The following ZBTB43 variants were observed in gnomAD, a reference collection of about 807,000 sequenced individuals.
The protein encoded by ZBTB43 is zinc finger and BTB domain containing 43, also known as zinc finger and BTB domain-containing protein 43.
A neutral mutation model predicts 31.1 loss-of-function variants in ZBTB43; 6 were observed. The ratio of observed to expected loss-of-function variants is 0.19; its 90% CI spans 0.11 to 0.38. The LOEUF (loss-of-function observed/expected upper bound fraction) is 0.38. Ranked by LOEUF, ZBTB43 falls within the 10% of genes least tolerant of loss-of-function variation. The probability of loss-of-function intolerance (pLI) is 1.00; values close to 1 mark genes in which losing one functional copy is unlikely to be tolerated. For synonymous variants in ZBTB43, 212 were observed against 221.7 expected (o/e 0.96, Z 0.39); for missense variants, 379 against 602.1 (o/e 0.63, Z 3.88).
At chr9:126,812,131 C>G (rs2032264954) in intron 2 of ZBTB43, among the ~76,000 whole-genome samples, 1 of 152,120 alleles carries the variant, frequency 6.6e-6, no homozygotes, top group Admixed American at 6.6e-5. Flanking sequence ...ATGGATTTGT[C>G]TATTCTGGAC....
intron 2 of ZBTB43, among the ~76,000 whole-genome samples, chr9:126,825,259 T>A (rs1171485335): frequency 2.0e-5 from 3 of 152,150 alleles, no homozygotes; most frequent in Admixed American, 2.0e-4. Flanking sequence ...TTCATTCTTC[T>A]TTCTTTCTGC....
Position 126,835,227 on chromosome 9 carries a change from A to T in ZBTB43, c.*1314A>T, listed in dbSNP as rs981801585. On this transcript the variant is annotated 3_prime_UTR_variant, in exon 3 of 3. Transcript: ENST00000373464. Reference sequence around the variant, plus strand: ...CAAAGCTACGCCGACCAGAAAAAAAAAATTAAAAAAACAAACAAGAAAAGC... The same window carrying T: ...CAAAGCTACGCCGACCAGAAAAAAATAATTAAAAAAACAAACAAGAAAAGC... The T allele has an allele frequency of 5.4e-5, 9 of 167,062 alleles. 1 individual carries two copies. The highest frequency in any genetic ancestry group is 7.3e-5 in the Non-Finnish European group (5 of 68,112). 10.3% of individuals were successfully genotyped at this position (167,062 alleles called of 1,614,324 possible).
intron 2 of ZBTB43, among the ~76,000 whole-genome samples, chr9:126,809,670 A>G (rs1257251141): frequency 6.6e-6 from 1 of 152,234 alleles, no homozygotes; most frequent in African/African-American, 2.4e-5. Flanking sequence ...CTTGAAGGTC[A>G]TCTAGTTCAG....
chr9:126,831,192 C>T (rs1056914615), intron 2 of ZBTB43, among the ~76,000 whole-genome samples: 3 of 152,164 alleles, frequency 2.0e-5, no homozygotes, highest in Non-Finnish European at 4.4e-5. Flanking sequence ...CCTGACTGTA[C>T]TCTAGTCTAA....
At chr9:126,825,158 C>G (rs1166640416) in intron 2 of ZBTB43, among the ~76,000 whole-genome samples, 3 of 152,060 alleles carry the variant, frequency 2.0e-5, no homozygotes, top group Non-Finnish European at 4.4e-5. Flanking sequence ...CCAGGCTGGT[C>G]TCGAACTCCT....
At position 126,833,861 on chromosome 9, in the gene ZBTB43, C is replaced by T; in HGVS notation, c.1352C>T (p.Thr451Ile). 2.5e-6 allele frequency: 4 copies of T among 1,598,670 alleles called. No homozygotes were observed. Among genetic ancestry groups the T allele is most frequent in the Non-Finnish European group, 3.4e-6 (4 of 1,167,104 alleles). The change falls in exon 3 of 3, where the codon ACT (threonine) becomes ATT (isoleucine). Residue 451 changes from threonine (T) to isoleucine (I), a missense_variant. This residue lies in a region of ZBTB43 where 21 missense variants were observed against 22.4 expected (regional missense o/e 0.94). Coordinates refer to ENST00000373464, the MANE Select transcript of ZBTB43 (RefSeq NM_014007.4). This position sits in a 1 kb window ranked among gnomAD's most constrained non-coding sequence, Gnocchi z 7.9. The part of the protein sequence containing the change: ...DSFHRHVTSC[T>I]KSYEAAKAEQ... ...TTCCACCGGCATGTGACTTCTTGTACTAAGTCCTACGAAGCTGCAAAGGCT... is the reference window on the plus strand; with the variant it reads ...TTCCACCGGCATGTGACTTCTTGTATTAAGTCCTACGAAGCTGCAAAGGCT...
Position 126,835,336 on chromosome 9 carries a change from G to A in ZBTB43, c.*1423G>A, listed in dbSNP as rs999051794. Reference sequence around the variant, plus strand: ...AATATTGCACATGCTTTTAAGCTGTGTAACATACCTGAGGTTATCACCAGG... The same window carrying A: ...AATATTGCACATGCTTTTAAGCTGTATAACATACCTGAGGTTATCACCAGG... On this transcript the variant is annotated 3_prime_UTR_variant, in exon 3 of 3. Transcript: ENST00000373464. 5 of 167,098 alleles carry A rather than the reference G, an allele frequency of 3.0e-5. No homozygotes were observed. The highest frequency in any genetic ancestry group is 7.2e-5 in the African/African-American group (3 of 41,446). The allele number at this position is 167,098 out of a possible 1,614,324, so 10.4% of individuals were successfully genotyped here. A position where few individuals can be genotyped will look rare whatever the true frequency, so the allele number is the denominator to read the frequency against.
chr9:126,813,674 C>T (rs767776237), intron 2 of ZBTB43, among the ~76,000 whole-genome samples: 3 of 152,068 alleles, frequency 2.0e-5, no homozygotes, highest in Non-Finnish European at 2.9e-5. Flanking sequence ...GTACCAAACC[C>T]GCAAGAGATT....
chr9:126,811,585 G>A (rs1373663987), intron 2 of ZBTB43, among the ~76,000 whole-genome samples: 3 of 152,026 alleles, frequency 2.0e-5, no homozygotes, highest in African/African-American at 4.8e-5. Flanking sequence ...ATTCAAAGTC[G>A]GCATTGGTAC....
Position 126,811,367 on chromosome 9 carries a change from A to C in ZBTB43, c.-24+2452A>C, listed in dbSNP as rs544838005. On this transcript the variant is annotated intron_variant, in intron 2 of 2. Coordinates refer to ENST00000373464, the MANE Select transcript of ZBTB43 (RefSeq NM_014007.4). ...CTTAAGTTGCTTAGCTTTTTTGTCT[A>C]TCTCCAATTCTGTACAATGGAAGTA... Among the ~76,000 whole-genome samples the C allele has an allele frequency of 3.8e-4, 58 of 152,128 alleles. 2 individuals carry two copies. In the South Asian group the frequency reaches 6.4e-3, roughly 17 times the overall value.
At chr9:126,825,931 C>T (rs1160426641) in intron 2 of ZBTB43, among the ~76,000 whole-genome samples, 2 of 149,388 alleles carry the variant, frequency 1.3e-5, no homozygotes, top group African/African-American at 2.5e-5. Flanking sequence ...CTGCAACCTC[C>T]TGCCTCCCGG....
Position 126,836,275 on chromosome 9 carries a change from C to T in ZBTB43, c.*2362C>T. On this transcript the variant is annotated 3_prime_UTR_variant, in exon 3 of 3. Transcript: ENST00000373464. ...CTTGGGTGGTAGTTTTGGAAGCAGT[C>T]AGTTGTGCTAGGACTTATTTAATAT... 6.0e-6 allele frequency: 1 copy of T among 167,224 alleles called. No homozygotes were observed. 10.4% of individuals were successfully genotyped at this position (167,224 alleles called of 1,614,324 possible).
chr9:126,810,593 C>T lies in ZBTB43; in HGVS notation c.-24+1678C>T, dbSNP rs572638498. Among the ~76,000 whole-genome samples the T allele has an allele frequency of 1.0e-3, 158 of 151,248 alleles. 2 individuals are homozygous for T. The highest frequency in any genetic ancestry group is 3.6e-3 in the African/African-American group (150 of 41,176). ...TTGGCTCACTGCGACCTCTGCCTCC[C>T]GGGTTCAAGTGATTCTCCTGCCTCA... On this transcript the variant is annotated intron_variant, in intron 2 of 2. Transcript: ENST00000373464.
intron 2 of ZBTB43, among the ~76,000 whole-genome samples, chr9:126,826,656 G>T (rs779803665): frequency 1.3e-4 from 19 of 151,368 alleles, no homozygotes; most frequent in African/African-American, 4.4e-4. Flanking sequence ...AGTAGAAATG[G>T]GGTTTCACCG....
chr9:126,821,698 G>A (rs780741959), intron 2 of ZBTB43, among the ~76,000 whole-genome samples: 3 of 152,178 alleles, frequency 2.0e-5, no homozygotes, highest in Non-Finnish European at 4.4e-5. Flanking sequence ...ATGGTTTCTT[G>A]AAATGGACTC....
intron 1 of ZBTB43, among the ~76,000 whole-genome samples, chr9:126,805,428 C>G (rs1357831825): frequency 6.6e-6 from 1 of 152,150 alleles, no homozygotes; most frequent in Non-Finnish European, 1.5e-5. Context: ...GCTTAGAGAT[C>G]CCGCCCCCGT....
rs1487427243 is a variant in ZBTB43, at chr9:126,837,290, T to G, written c.*3377T>G. The G allele has an allele frequency of 6.0e-6, 1 of 167,098 alleles. No individual in the cohort carries two copies. The highest frequency in any genetic ancestry group is 1.5e-5 in the Non-Finnish European group (1 of 68,142). 10.4% of individuals were successfully genotyped at this position (167,098 alleles called of 1,614,324 possible). A position where few individuals can be genotyped will look rare whatever the true frequency, so the allele number is the denominator to read the frequency against. ...GCCTGTTGATTCCGATTTCTAGGTC[T>G]CATCTTCCTCTGGTCCCTTTTGGCC... is the stretch of plus-strand genomic sequence containing the variant. On this transcript the variant is annotated 3_prime_UTR_variant, in exon 3 of 3. Coordinates refer to ENST00000373464, the MANE Select transcript of ZBTB43 (RefSeq NM_014007.4).
intron 2 of ZBTB43, among the ~76,000 whole-genome samples, chr9:126,814,329 TAAATTTTACATCTGTAAAAA>T (rs2032324019): frequency 1.6e-4 from 1 of 6,106 alleles, no homozygotes; most frequent in South Asian, 6.8e-3. Context: ...CTGTAAAATG[TAAATTTTACATCTGTAAAAA>T]TTTTACAGAT....
chr9:126,837,348 T>G lies in ZBTB43; in HGVS notation c.*3435T>G, dbSNP rs1325923966. 6.0e-6 allele frequency: 1 copy of G among 167,066 alleles called. No individual in the cohort carries two copies. The highest frequency in any genetic ancestry group is 2.4e-5 in the African/African-American group (1 of 41,440). 10.3% of individuals were successfully genotyped at this position (167,066 alleles called of 1,614,324 possible). On this transcript the variant is annotated 3_prime_UTR_variant, in exon 3 of 3. Transcript: ENST00000373464. The stretch of plus-strand genomic sequence containing the variant: ...TAAAAGCTTGCCCAAAGGGATCCCC[T>G]CCATTCTAGTGGGCATTTGCTGAAC...
Sources: gnomAD v4.1 joint callset for allele counts (sites outside exome capture counted in the v4.1 genomes callset) on GRCh38, gnomAD v4.1.1 for gene constraint, gnomAD v4.1.1 regional missense constraint, Gnocchi (gnomAD v3.1) non-coding constraint, MANE v1.5 for transcripts, NCBI Gene and HGNC (gene_info 2026-07-23, HGNC 2026-07-21) for gene names.